PALLD: variants seen among roughly 807,000 people sequenced by gnomAD.
PALLD encodes palladin, cytoskeletal associated protein.
A neutral mutation model predicts 123.5 loss-of-function variants in PALLD; 61 were observed. That is an observed-to-expected ratio of 0.49 (90% CI 0.40 to 0.61). The LOEUF is 0.61. PALLD is among the 20% of genes least tolerant of loss of function. The pLI, the probability that PALLD is intolerant of heterozygous loss-of-function variation, is 0.00. For missense variants in PALLD, 1,273 were observed against 1,377.0 expected (o/e 0.92, Z 1.20); for synonymous variants, 465 against 496.4 (o/e 0.94, Z 0.84).
At chr4:168,656,678 G>A (rs1324340636) in intron 2 of PALLD, among the ~76,000 whole-genome samples, 1 of 152,052 alleles carries the variant, frequency 6.6e-6, no homozygotes, top group Non-Finnish European at 1.5e-5. Context: ...CCCGGCTTGG[G>A]CAATATATGT....
At chr4:168,543,646 C>A (rs920382657) in intron 2 of PALLD, among the ~76,000 whole-genome samples, 1 of 151,980 alleles carries the variant, frequency 6.6e-6, no homozygotes, top group African/African-American at 2.4e-5. Flanking sequence ...GTATATTATA[C>A]CCTGTCCCAA....
At chr4:168,714,695 C>T (rs538768092) in intron 10 of PALLD, among the ~76,000 whole-genome samples, 76 of 152,074 alleles carry the variant, frequency 5.0e-4, no homozygotes, top group Non-Finnish European at 9.6e-4. Flanking sequence ...TATTTGGTGG[C>T]GTTATGGCAG....
chr4:168,716,314 G>T (rs112211129), intron 10 of PALLD, among the ~76,000 whole-genome samples: 5 of 152,244 alleles, frequency 3.3e-5, no homozygotes, highest in African/African-American at 9.6e-5. Flanking sequence ...ATGCTTATTT[G>T]TTACTCTAGT....
At chr4:168,737,860 G>T (rs1011273039) in intron 10 of PALLD, among the ~76,000 whole-genome samples, 12 of 152,240 alleles carry the variant, frequency 7.9e-5, no homozygotes. Context: ...TGAGGACAGG[G>T]TGATTGCTGA....
At position 168,606,219 on chromosome 4, in the gene PALLD, C is replaced by T. The variant is rs111889335; in HGVS notation, c.909-61971C>T. ...CATCCTTACGTGTGATTTTTGGACA[C>T]TTTATTGTTGTTGTTGTTGTTACTT... On this transcript the variant is annotated intron_variant, in intron 2 of 21. Coordinates refer to ENST00000505667, the MANE Select transcript of PALLD (RefSeq NM_001166108.2). 7.5e-3 allele frequency among the ~76,000 whole-genome samples: 1,146 copies of T among 152,196 alleles called. 20 individuals carry two copies. The highest frequency in any genetic ancestry group is 0.026 in the African/African-American group (1,075 of 41,512).
At chr4:168,544,002 A>G (rs907497680) in intron 2 of PALLD, among the ~76,000 whole-genome samples, 1 of 152,244 alleles carries the variant, frequency 6.6e-6, no homozygotes, top group African/African-American at 2.4e-5. Flanking sequence ...TGTTTTATAT[A>G]TATTCTTTCT....
intron 3 of PALLD, among the ~76,000 whole-genome samples, chr4:168,671,294 C>A (rs1486052371): frequency 6.6e-6 from 1 of 152,162 alleles, no homozygotes; most frequent in Non-Finnish European, 1.5e-5. Context: ...CCTCTTTTGC[C>A]AGTCCTTTCA....
intron 2 of PALLD, among the ~76,000 whole-genome samples, chr4:168,521,778 G>C (rs1256141303): frequency 6.6e-6 from 1 of 152,174 alleles, no homozygotes; most frequent in Non-Finnish European, 1.5e-5. Context: ...TTGACTATTT[G>C]TTGAGTCCTA....
chr4:168,567,183 TTAAC>T (rs1768480185), intron 2 of PALLD, among the ~76,000 whole-genome samples: 1 of 152,092 alleles, frequency 6.6e-6, no homozygotes, highest in African/African-American at 2.4e-5. Context: ...AAGATTTAGT[TTAAC>T]TAAAAAGCTT....
At chr4:168,785,193 C>T (rs1251323963) in intron 10 of PALLD, among the ~76,000 whole-genome samples, 1 of 146,082 alleles carries the variant, frequency 6.8e-6, no homozygotes, top group African/African-American at 2.5e-5. Context: ...ACTTGTGAAT[C>T]AATTAGCTAG....
intron 10 of PALLD, among the ~76,000 whole-genome samples, chr4:168,759,203 ATAT>A (rs1206217330): frequency 7.6e-4 from 30 of 39,480 alleles, no homozygotes; most frequent in African/African-American, 3.7e-3. Flanking sequence ...AAAAAAAAAA[ATAT>A]ATATATATAT....
At chr4:168,818,862 A>G (rs1742329000) in intron 10 of PALLD, among the ~76,000 whole-genome samples, 1 of 152,266 alleles carries the variant, frequency 6.6e-6, no homozygotes, top group Non-Finnish European at 1.5e-5. Flanking sequence ...TACAATAATG[A>G]CGAAAAGTTA....
intron 10 of PALLD, among the ~76,000 whole-genome samples, chr4:168,802,715 A>T (rs1739532151): frequency 1.3e-5 from 2 of 151,426 alleles, no homozygotes; most frequent in African/African-American, 4.9e-5. Flanking sequence ...TTTAAGACGG[A>T]GTTTCACTCT....
Position 168,703,370 on chromosome 4 carries a change from C to T in PALLD, c.1502-5658C>T, listed in dbSNP as rs1213685147. 1.3e-3 allele frequency among the ~76,000 whole-genome samples: 150 copies of T among 119,906 alleles called. No individual in the cohort carries two copies. In the East Asian group the frequency reaches 0.028, roughly 22 times the overall value. 78.7% of individuals were successfully genotyped at this position (119,906 alleles called of 152,430 possible). On this transcript the variant is annotated intron_variant, in intron 8 of 21. Transcript: ENST00000505667. ...TGTGAATAGTGCCGCAATAAACATA[C>T]GTGTGCATGTGTCTTTATAGCAGCA...
chr4:168,818,256 A>T (rs7349731), intron 10 of PALLD, among the ~76,000 whole-genome samples: 20 of 151,822 alleles, frequency 1.3e-4, no homozygotes, highest in African/African-American at 4.6e-4. Context: ...CCAATGCTTC[A>T]CTAGTTGACT....
chr4:168,845,320 T>C (rs1379135716), intron 10 of PALLD, among the ~76,000 whole-genome samples: 2 of 152,242 alleles, frequency 1.3e-5, no homozygotes, highest in Admixed American at 6.5e-5. Flanking sequence ...TACTAACACC[T>C]TTCTTCTTTT....
chr4:168,728,341 T>C (rs749181601), intron 10 of PALLD, among the ~76,000 whole-genome samples: 1 of 152,204 alleles, frequency 6.6e-6, no homozygotes, highest in Non-Finnish European at 1.5e-5. Context: ...TCCATTAGCA[T>C]GGATGTTTTT....
intron 10 of PALLD, among the ~76,000 whole-genome samples, chr4:168,792,548 T>A (rs553754322): frequency 1.3e-5 from 2 of 152,002 alleles, no homozygotes; most frequent in South Asian, 4.2e-4. Flanking sequence ...GAAGCTTTCC[T>A]TCGTTCCTCA....
At chr4:168,586,824 A>C (rs1225146530) in intron 2 of PALLD, among the ~76,000 whole-genome samples, 1 of 152,096 alleles carries the variant, frequency 6.6e-6, no homozygotes, top group Non-Finnish European at 1.5e-5. Context: ...TTCTGCATTA[A>C]TTCTTTTGTG....
Sources: allele counts gnomAD v4.1 joint callset (sites outside exome capture counted in the v4.1 genomes callset), GRCh38; gene constraint gnomAD v4.1.1; transcripts MANE v1.5; gene names NCBI Gene and HGNC (gene_info 2026-07-23, HGNC 2026-07-21).